SLC2A9: variants seen among roughly 807,000 people sequenced by gnomAD.
SLC2A9 encodes the protein solute carrier family 2, facilitated glucose transporter member 9.
SLC2A9 carries 39 observed loss-of-function variants against 50.6 expected under a neutral mutation model. That is an observed-to-expected ratio of 0.77 (90% CI 0.60 to 1.01). SLC2A9 has a LOEUF of 1.01. Ranked by LOEUF, SLC2A9 falls within the 50% of genes least tolerant of loss-of-function variation. The pLI is 0.00. For missense variants in SLC2A9, 686 were observed against 677.6 expected, an observed-to-expected ratio of 1.01 and a Z score of -0.14; for synonymous variants, 324 against 276.9, an observed-to-expected ratio of 1.17 and a Z score of -1.69.
At chr4:9,872,459 T>C (rs1188661300) in intron 10 of SLC2A9, among the ~76,000 whole-genome samples, 35 of 152,240 alleles carry the variant, frequency 2.3e-4, no homozygotes, top group Admixed American at 2.3e-3. Flanking sequence ...CAGGAATCCC[T>C]CTCACTATCT....
chr4:9,859,008 G>A (rs1241132718), intron 10 of SLC2A9, among the ~76,000 whole-genome samples: 2 of 152,158 alleles, frequency 1.3e-5, no homozygotes, highest in African/African-American at 4.8e-5. Context: ...TGGACTCTTG[G>A]ACTTACACCA....
chr4:10,039,695 G>C (rs1350422622), intron 1 of SLC2A9, among the ~76,000 whole-genome samples: 1 of 152,082 alleles, frequency 6.6e-6, no homozygotes, highest in Admixed American at 6.6e-5. Context: ...CAGCAGGCTG[G>C]ACATCAGCCT....
At chr4:9,836,367 T>G (rs543229207) in intron 10 of SLC2A9, among the ~76,000 whole-genome samples, 1 of 152,224 alleles carries the variant, frequency 6.6e-6, no homozygotes, top group Non-Finnish European at 1.5e-5. Context: ...CAAAATGTGA[T>G]AAGCATTCTG....
chr4:9,884,545 T>G (rs983245483), intron 10 of SLC2A9, among the ~76,000 whole-genome samples: 2 of 152,154 alleles, frequency 1.3e-5, no homozygotes, highest in African/African-American at 4.8e-5. Context: ...AACAGTGTAT[T>G]TGTTGGATGG....
At chr4:9,983,439 T>C (rs1181763243) in intron 4 of SLC2A9, among the ~76,000 whole-genome samples, 1 of 152,216 alleles carries the variant, frequency 6.6e-6, no homozygotes, top group African/African-American at 2.4e-5. Flanking sequence ...TTGGCTGCTG[T>C]TGGAAGCCCA....
At chr4:9,956,539 A>G (rs930074814) in intron 5 of SLC2A9, among the ~76,000 whole-genome samples, 1 of 151,974 alleles carries the variant, frequency 6.6e-6, no homozygotes, top group Admixed American at 6.6e-5. Flanking sequence ...ATACACAGCC[A>G]CCTCCACCTA....
rs929479831 is a variant in SLC2A9, at chr4:10,013,175, G to A, written c.249+5800C>T. Among the ~76,000 whole-genome samples the A allele has an allele frequency of 5.9e-5, 9 of 152,168 alleles. No individual in the cohort carries two copies. The South Asian group carries it at 8.3e-4, about 14-fold the overall frequency. ...CCAGTTCATGCAAAGTCCAGTGTGC[G>A]TTTAATAGTTCTCTGCCATCTGGGG... On this transcript the variant is annotated intron_variant, in intron 2 of 11. Transcript: ENST00000264784.
intron 6 of SLC2A9, among the ~76,000 whole-genome samples, chr4:9,920,814 C>A (rs779376643): frequency 1.2e-4 from 18 of 152,196 alleles, no homozygotes; most frequent in African/African-American, 2.4e-4. Flanking sequence ...AAGCTGAGAA[C>A]GTGGGTCTCT....
chr4:10,022,785 G>T (rs1234926443), upstream of SLC2A9, among the ~76,000 whole-genome samples: 2 of 152,208 alleles, frequency 1.3e-5, no homozygotes, highest in Admixed American at 6.5e-5. Flanking sequence ...ACGTGGAAAC[G>T]TCCGGCCCTG....
chr4:9,956,319 T>C (rs1482080371), intron 5 of SLC2A9, among the ~76,000 whole-genome samples: 1 of 110,970 alleles, frequency 9.0e-6, no homozygotes, highest in African/African-American at 4.5e-5. Flanking sequence ...CCATGTCTAC[T>C]AAAAATACAA....
chr4:9,879,844 G>C (rs1734911128), intron 10 of SLC2A9: 1 of 985,292 alleles, frequency 1.0e-6, no homozygotes, highest in East Asian at 1.1e-4. Flanking sequence ...TCATTTATTA[G>C]ACTTCCCTGC....
At chr4:9,931,484 T>C (rs1745905832) in intron 6 of SLC2A9, among the ~76,000 whole-genome samples, 1 of 152,192 alleles carries the variant, frequency 6.6e-6, no homozygotes, top group African/African-American at 2.4e-5. Flanking sequence ...CTAAGGTTTA[T>C]TGTGTACCTA....
chr4:9,898,176 G>A (rs1738912335), intron 8 of SLC2A9, among the ~76,000 whole-genome samples: 1 of 152,132 alleles, frequency 6.6e-6, no homozygotes, highest in African/African-American at 2.4e-5. Context: ...TTGGCAGCCT[G>A]GGCAAACCAA....
chr4:9,980,674 G>C lies in SLC2A9; in HGVS notation c.599C>G (p.Ser200Cys), dbSNP rs1214574492. The part of the protein sequence containing the change: ...SEISPKEIRG[S>C]LGQVTAIFIC... ...AAAGATGGCAGTCACCTGCCCCAGA[G>C]AGCCACGGATCTCCTTGGGTGAGAT... The change falls in exon 5 of 12, where the codon TCT becomes TGT. Residue 200 changes from serine to cysteine, a missense_variant. By Grantham distance (112) the Ser-to-Cys change is moderately radical. Coordinates refer to ENST00000264784, the MANE Select transcript of SLC2A9 (RefSeq NM_020041.3). The C allele has an allele frequency of 1.2e-6, 2 of 1,614,060 alleles. No individual in the cohort carries two copies. Among genetic ancestry groups the C allele is most frequent in the Non-Finnish European group, 1.7e-6 (2 of 1,180,048 alleles).
intron 11 of SLC2A9, among the ~76,000 whole-genome samples, chr4:9,829,686 T>C (rs1452000440): frequency 6.6e-6 from 1 of 151,954 alleles, no homozygotes; most frequent in Non-Finnish European, 1.5e-5. Context: ...AACAACCTCA[T>C]TAAAAAGTGG....
chr4:9,938,393 T>A (rs1441575543), intron 6 of SLC2A9, among the ~76,000 whole-genome samples: 2 of 150,634 alleles, frequency 1.3e-5, no homozygotes, highest in Non-Finnish European at 2.9e-5. Flanking sequence ...TGCCTCAGCC[T>A]CCAGAGTAGC....
At chr4:9,908,572 CTT>C (rs532896169) in intron 7 of SLC2A9, among the ~76,000 whole-genome samples, 102 of 150,040 alleles carry the variant, frequency 6.8e-4, no homozygotes, top group Non-Finnish European at 1.3e-3. Context: ...TTTTATTATA[CTT>C]TAAGTTCTAG....
At chr4:9,786,244 C>G (rs1719202640) in intron 3 of SLC2A9, among the ~76,000 whole-genome samples, 1 of 152,174 alleles carries the variant, frequency 6.6e-6, no homozygotes, top group Non-Finnish European at 1.5e-5. Context: ...TTTATTACCC[C>G]ATTTTACAGA....
intron 5 of SLC2A9, among the ~76,000 whole-genome samples, chr4:9,950,733 AATAC>A (rs1750069223): frequency 2.2e-4 from 21 of 93,922 alleles, no homozygotes; most frequent in Admixed American, 5.6e-4. Context: ...CTCTACTAAA[AATAC>A]AAAAAATTAG....
Sources: gnomAD v4.1 joint callset for allele counts (sites outside exome capture counted in the v4.1 genomes callset) on GRCh38, gnomAD v4.1.1 for gene constraint, MANE v1.5 for transcripts, NCBI Gene and HGNC (gene_info 2026-07-23, HGNC 2026-07-21) for gene names.